The following PARD3 variants were observed in gnomAD, a reference collection of about 807,000 sequenced individuals.
The protein encoded by PARD3 is par-3 family cell polarity regulator, also known as partitioning defective 3 homolog.
PARD3 carries 75 observed loss-of-function variants against 155.4 expected under a neutral mutation model. The observed-to-expected ratio is 0.48, with a 90% CI of 0.40 to 0.58. PARD3 has a LOEUF of 0.58. PARD3 is among the 20% of genes least tolerant of loss of function. The probability of loss-of-function intolerance (pLI) is 0.00; values close to 1 mark genes in which losing one functional copy is unlikely to be tolerated. For synonymous variants in PARD3, 576 were observed against 610.5 expected, an observed-to-expected ratio of 0.94 and a Z score of 0.83; for missense variants, 1,642 against 1,721.7, an observed-to-expected ratio of 0.95 and a Z score of 0.82.
At chr10:34,602,279 C>T (rs2089854634) in intron 2 of PARD3, among the ~76,000 whole-genome samples, 1 of 152,156 alleles carries the variant, frequency 6.6e-6, no homozygotes, top group South Asian at 2.1e-4. Flanking sequence ...AACTATTAGT[C>T]CATTTCTTTT....
chr10:34,556,430 T>C lies in PARD3; in HGVS notation c.223-39271A>G, dbSNP rs745599248. 1.9e-3 allele frequency among the ~76,000 whole-genome samples: 285 copies of C among 150,654 alleles called. 3 individuals are homozygous for C. Among genetic ancestry groups the C allele is most frequent in the Non-Finnish European group, 2.2e-3 (150 of 67,648 alleles). The stretch of plus-strand genomic sequence containing the variant: ...CAGAGTCTTGCTCTGTCGCCCAGGC[T>C]AGAGTGCAGTGGCGAGATCTCCGCT... On this transcript the variant is annotated intron_variant, in intron 2 of 24. Transcript: ENST00000374788.
rs757812607 is a variant in PARD3, at chr10:34,724,384, G to A, written c.121-27965C>T. Among the ~76,000 whole-genome samples the A allele has an allele frequency of 3.1e-4, 47 of 152,174 alleles. No homozygotes were observed. The Middle Eastern group carries it at 0.01, about 33-fold the overall frequency. ...AAGATAGCACTGTAATTTCCCTTCA[G>A]TTCTCTTACATAACTAAAGAGTTTT... On this transcript the variant is annotated intron_variant, in intron 1 of 24. Coordinates refer to ENST00000374788, the MANE Select transcript of PARD3 (RefSeq NM_001184785.2).
chr10:34,757,560 A>C (rs1836900761), intron 1 of PARD3, among the ~76,000 whole-genome samples: 1 of 152,086 alleles, frequency 6.6e-6, no homozygotes, highest in South Asian at 2.1e-4. Flanking sequence ...AATACAAAAA[A>C]ATTAGCCAGG....
intron 7 of PARD3, among the ~76,000 whole-genome samples, chr10:34,389,742 A>C (rs565254268): frequency 6.6e-6 from 1 of 152,330 alleles, no homozygotes; most frequent in South Asian, 2.1e-4. Flanking sequence ...GCAACTACCT[A>C]CATGAGCCCA....
chr10:34,517,059 A>G lies in PARD3; in HGVS notation c.323T>C (p.Leu108Pro). Reference sequence around the variant, plus strand: ...AAAGGCTGAGACATTGTTGGTGCCAAGCTCACTACCAAATATCTCTGGGCT... The same window carrying G: ...AAAGGCTGAGACATTGTTGGTGCCAGGCTCACTACCAAATATCTCTGGGCT... ...TQSPEIFGSE[L>P]GTNNVSAFQP... is the part of the protein sequence containing the mutation. The change falls in exon 3 of 25, where the codon CTT (leucine) becomes CCT (proline). Residue 108 changes from leucine (L) to proline (P), a missense_variant. Around this residue, in one of 3 missense-constraint regions of PARD3, gnomAD observed 1,529 missense variants for 1,587.3 expected, o/e 0.96. Coordinates refer to ENST00000374788, the MANE Select transcript of PARD3 (RefSeq NM_001184785.2). The G allele has an allele frequency of 6.2e-7, 1 of 1,614,188 alleles. No homozygotes were observed. Among genetic ancestry groups the G allele is most frequent in the Middle Eastern group, 1.7e-4 (1 of 6,060 alleles).
intron 1 of PARD3, among the ~76,000 whole-genome samples, chr10:34,774,477 A>T (rs1416221532): frequency 1.3e-5 from 2 of 152,220 alleles, no homozygotes; most frequent in Non-Finnish European, 2.9e-5. Flanking sequence ...ATGGTTGAAT[A>T]CCAGAAGAAA....
chr10:34,244,367 G>C (rs905880465), intron 22 of PARD3, among the ~76,000 whole-genome samples: 3 of 152,140 alleles, frequency 2.0e-5, no homozygotes, highest in African/African-American at 7.2e-5. Context: ...TAAACATAGT[G>C]CCCAGTCTTG....
intron 22 of PARD3, among the ~76,000 whole-genome samples, chr10:34,132,525 T>C (rs1947668583): frequency 6.6e-6 from 1 of 152,216 alleles, no homozygotes; most frequent in Non-Finnish European, 1.5e-5. Context: ...AGCTCTTCAT[T>C]TGTAAAGTAC....
At chr10:34,781,576 T>A (rs921204967) in intron 1 of PARD3, among the ~76,000 whole-genome samples, 5 of 152,234 alleles carry the variant, frequency 3.3e-5, no homozygotes, top group African/African-American at 1.2e-4. Flanking sequence ...AGGTGACAGC[T>A]GGATCTGATT....
chr10:34,758,611 G>T (rs988047307), intron 1 of PARD3, among the ~76,000 whole-genome samples: 3 of 152,160 alleles, frequency 2.0e-5, no homozygotes, highest in Non-Finnish European at 4.4e-5. Flanking sequence ...TTCTAGTTGG[G>T]GCACTCAAGC....
chr10:34,137,040 G>T (rs1947937099), intron 22 of PARD3, among the ~76,000 whole-genome samples: 1 of 151,984 alleles, frequency 6.6e-6, no homozygotes, highest in Non-Finnish European at 1.5e-5. Flanking sequence ...CACCTTCTGG[G>T]GTTCACACCT....
At chr10:34,601,080 G>T (rs1365316167) in intron 2 of PARD3, among the ~76,000 whole-genome samples, 4 of 136,790 alleles carry the variant, frequency 2.9e-5, no homozygotes, top group Non-Finnish European at 6.0e-5. Flanking sequence ...CAAAGTGCAC[G>T]CATTACAGGC....
chr10:34,346,566 CA>C, intron 15 of PARD3: 1 of 1,198,912 alleles, frequency 8.3e-7, no homozygotes, highest in Non-Finnish European at 1.1e-6. Context: ...AATAATTTAA[CA>C]AAGATAAAGA....
At position 34,350,460 on chromosome 10, in the gene PARD3, A is replaced by C. The variant is rs993164937; in HGVS notation, c.2068-2345T>G. Reference sequence around the variant, plus strand: ...GAGTTCAAGACCAACATGGTGAAACACCAAATATACTAAAAATACAAAAAT... The same window carrying C: ...GAGTTCAAGACCAACATGGTGAAACCCCAAATATACTAAAAATACAAAAAT... On this transcript the variant is annotated intron_variant, in intron 14 of 24. Coordinates refer to ENST00000374788, the MANE Select transcript of PARD3 (RefSeq NM_001184785.2). Among the ~76,000 whole-genome samples, 4 of 152,236 alleles carry C rather than the reference A, an allele frequency of 2.6e-5. No individual in the cohort carries two copies. The South Asian group carries it at 8.3e-4, about 32-fold the overall frequency.
rs373746026 is a variant in PARD3 at position 34,287,337 on chromosome 10, T to A, written c.3066-3092A>T. On this transcript the variant is annotated intron_variant, in intron 20 of 24. Transcript: ENST00000374788. Reference sequence around the variant, plus strand: ...TTCATAAATCTTTCAAATGATACAATGTTGCCATGTTGACTTACTGATTTT... The same window carrying A: ...TTCATAAATCTTTCAAATGATACAAAGTTGCCATGTTGACTTACTGATTTT... Among the ~76,000 whole-genome samples the A allele has an allele frequency of 2.0e-5, 3 of 152,190 alleles. No individual in the cohort carries two copies. The East Asian group carries it at 5.8e-4, about 29-fold the overall frequency.
intron 20 of PARD3, among the ~76,000 whole-genome samples, chr10:34,316,711 C>G (rs552047599): frequency 9.2e-5 from 14 of 152,280 alleles, no homozygotes; most frequent in African/African-American, 3.1e-4. Flanking sequence ...ACAGACATGT[C>G]CCTCCTACCT....
chr10:34,370,600 T>G (rs1840485984), intron 12 of PARD3, among the ~76,000 whole-genome samples: 1 of 152,092 alleles, frequency 6.6e-6, no homozygotes, highest in Non-Finnish European at 1.5e-5. Context: ...ATCCCTATCT[T>G]TACTACTTAA....
chr10:34,514,283 C>A (rs1400680343), intron 3 of PARD3, among the ~76,000 whole-genome samples: 4 of 152,164 alleles, frequency 2.6e-5, no homozygotes, highest in Non-Finnish European at 5.9e-5. Context: ...TTAAGCAAAT[C>A]TCTACATATT....
chr10:34,767,210 G>A (rs769693928), intron 1 of PARD3, among the ~76,000 whole-genome samples: 1 of 152,204 alleles, frequency 6.6e-6, no homozygotes, highest in Non-Finnish European at 1.5e-5. Flanking sequence ...ACAGAGCTGG[G>A]AGTCTAGGCA....
Sources: allele counts gnomAD v4.1 joint callset (sites outside exome capture counted in the v4.1 genomes callset), GRCh38; gene constraint gnomAD v4.1.1; regional missense constraint gnomAD v4.1.1; transcripts MANE v1.5; gene names NCBI Gene and HGNC (gene_info 2026-07-23, HGNC 2026-07-21).